KHDRBS2: variants seen among roughly 807,000 people sequenced by gnomAD.
KHDRBS2 encodes the protein KH RNA binding domain containing, signal transduction associated 2.
KHDRBS2 carries 26 observed loss-of-function variants against 44.3 expected under a neutral mutation model. The observed-to-expected ratio is 0.59, with a 90% CI of 0.43 to 0.81. The LOEUF is 0.81. Among genes scored for constraint, KHDRBS2 ranks in the 40% least tolerant of loss-of-function variants. KHDRBS2 has a pLI of 0.00. For synonymous variants in KHDRBS2, 194 were observed against 151.1 expected, an observed-to-expected ratio of 1.28 and a Z score of -2.08; for missense variants, 476 against 433.1, an observed-to-expected ratio of 1.10 and a Z score of -0.88.
At chr6:62,015,621 C>T (rs1362145260) in intron 3 of KHDRBS2, among the ~76,000 whole-genome samples, 1 of 152,112 alleles carries the variant, frequency 6.6e-6, no homozygotes, top group Non-Finnish European at 1.5e-5. Flanking sequence ...AGCTTTGTTT[C>T]TACTCACTAA....
At chr6:61,646,655 C>T in the KHDRBS2 span, among the ~76,000 whole-genome samples, 1 of 152,018 alleles carries the variant, frequency 6.6e-6, no homozygotes, top group Non-Finnish European at 1.5e-5. Flanking sequence ...TCAGAAAAGT[C>T]CTTGGAGTTC....
chr6:62,271,836 T>A (rs1032965542), intron 1 of KHDRBS2, among the ~76,000 whole-genome samples: 3 of 152,200 alleles, frequency 2.0e-5, no homozygotes, highest in African/African-American at 7.2e-5. Context: ...CTTTTAAAAA[T>A]TAAAAAGCTT....
At chr6:61,987,267 T>A (rs1380180781) in intron 3 of KHDRBS2, among the ~76,000 whole-genome samples, 3 of 152,206 alleles carry the variant, frequency 2.0e-5, no homozygotes, top group African/African-American at 7.2e-5. Context: ...ATCTTAGTTT[T>A]AATACAATAT....
intron 4 of KHDRBS2, among the ~76,000 whole-genome samples, chr6:61,965,816 T>C (rs573036049): frequency 6.6e-6 from 1 of 151,980 alleles, no homozygotes; most frequent in Non-Finnish European, 1.5e-5. Context: ...TGATGAATAA[T>C]GTTTAGAAAG....
At chr6:62,105,108 C>T (rs1289682822) in intron 2 of KHDRBS2, among the ~76,000 whole-genome samples, 3 of 151,956 alleles carry the variant, frequency 2.0e-5, no homozygotes, top group African/African-American at 7.3e-5. Flanking sequence ...TTGTACAGTC[C>T]TATATCATTA....
At chr6:62,047,793 C>A in intron 3 of KHDRBS2, 85 bp downstream of exon 3, 1 of 778,756 alleles carries the variant, frequency 1.3e-6, no homozygotes, top group Non-Finnish European at 2.3e-6. Flanking sequence ...GGTGAAAGAG[C>A]AGTTCAGGCA....
intron 6 of KHDRBS2, among the ~76,000 whole-genome samples, chr6:61,772,124 C>T (rs552283740): frequency 1.9e-4 from 29 of 152,090 alleles, no homozygotes; most frequent in East Asian, 9.6e-4. Flanking sequence ...TTGAAACTGA[C>T]GAGAACAAAG....
At chr6:61,711,191 A>G (rs927329541) in intron 7 of KHDRBS2, among the ~76,000 whole-genome samples, 2 of 151,682 alleles carry the variant, frequency 1.3e-5, no homozygotes, top group African/African-American at 4.8e-5. Context: ...AGACACATAG[A>G]TTTGTGGCTA....
chr6:61,789,388 T>C (rs1028680250), intron 6 of KHDRBS2, among the ~76,000 whole-genome samples: 1 of 151,414 alleles, frequency 6.6e-6, no homozygotes, highest in Non-Finnish European at 1.5e-5. Context: ...ATCAATATTA[T>C]GTAATAGATT....
chr6:61,924,783 C>T (rs1022970721), intron 4 of KHDRBS2, among the ~76,000 whole-genome samples: 11 of 151,268 alleles, frequency 7.3e-5, no homozygotes, highest in African/African-American at 2.7e-4. Flanking sequence ...AGAATTTAAT[C>T]ATTTATTAAT....
intron 6 of KHDRBS2, among the ~76,000 whole-genome samples, chr6:61,774,664 C>G (rs1213420181): frequency 6.6e-6 from 1 of 151,876 alleles, no homozygotes; most frequent in Admixed American, 6.6e-5. Context: ...GCTTACAAAC[C>G]AAAAAGTCGA....
chr6:61,569,321 C>T, the KHDRBS2 span, among the ~76,000 whole-genome samples: 1 of 152,150 alleles, frequency 6.6e-6, no homozygotes. Context: ...TGTAGCCAAA[C>T]ACAAAAGATA....
intron 6 of KHDRBS2, among the ~76,000 whole-genome samples, chr6:61,736,169 C>CT (rs892648302): frequency 5.2e-5 from 7 of 135,712 alleles, no homozygotes; most frequent in African/African-American, 8.2e-5. Flanking sequence ...AGTAAATTTA[C>CT]TTTTTTGTCC....
At chr6:61,547,487 A>T in the KHDRBS2 span, among the ~76,000 whole-genome samples, 1 of 152,072 alleles carries the variant, frequency 6.6e-6, no homozygotes, top group Admixed American at 6.6e-5. Flanking sequence ...CCAGCTAACA[A>T]ATTTAATCAC....
At chr6:61,568,053 A>T in the KHDRBS2 span, among the ~76,000 whole-genome samples, 1 of 152,122 alleles carries the variant, frequency 6.6e-6, no homozygotes, top group East Asian at 1.9e-4. Context: ...ATTCTTCTGC[A>T]TGTGGCTATC....
chr6:62,062,170 T>A (rs1342937248), intron 2 of KHDRBS2, among the ~76,000 whole-genome samples: 8 of 147,564 alleles, frequency 5.4e-5, no homozygotes, highest in East Asian at 2.0e-4. Context: ...CTCCCACACA[T>A]TAATAATGGG....
At chr6:61,784,693 T>A (rs754975490) in intron 6 of KHDRBS2, among the ~76,000 whole-genome samples, 1 of 152,170 alleles carries the variant, frequency 6.6e-6, no homozygotes, top group South Asian at 2.1e-4. Flanking sequence ...TACTGAAATT[T>A]TTACCTACAA....
chr6:62,115,764 CTCT>C (rs1162067144), intron 2 of KHDRBS2, among the ~76,000 whole-genome samples: 1 of 152,098 alleles, frequency 6.6e-6, no homozygotes, highest in East Asian at 1.9e-4. Context: ...TCTCTGTACT[CTCT>C]TTTTTGATAG....
At chr6:61,668,102 T>A in the KHDRBS2 span, among the ~76,000 whole-genome samples, 4 of 151,052 alleles carry the variant, frequency 2.6e-5, no homozygotes, top group South Asian at 8.3e-4. Flanking sequence ...TGCAAGAGGG[T>A]CTATTTTTTA....
Sources: gnomAD v4.1 joint callset for allele counts (sites outside exome capture counted in the v4.1 genomes callset) on GRCh38, gnomAD v4.1.1 for gene constraint, MANE v1.5 for transcripts, NCBI Gene and HGNC (gene_info 2026-07-23, HGNC 2026-07-21) for gene names.